The following ROBO2 variants were observed in gnomAD, a reference collection of about 807,000 sequenced individuals.
ROBO2 encodes roundabout guidance receptor 2.
Under a neutral mutation model 160.8 loss-of-function variants are expected in ROBO2, and 53 were observed. That is an observed-to-expected ratio of 0.33 (90% CI 0.26 to 0.41). The LOEUF is 0.41. ROBO2 is among the 10% of genes least tolerant of loss of function. The pLI is 1.00. For synonymous variants in ROBO2, 664 were observed against 611.7 expected (o/e 1.09, Z -1.26); for missense variants, 1,577 against 1,722.4 (o/e 0.92, Z 1.49).
chr3:76,462,585 G>A (rs1327728207), intron 2 of ROBO2, among the ~76,000 whole-genome samples: 1 of 148,184 alleles, frequency 6.7e-6, no homozygotes, highest in East Asian at 2.0e-4. Flanking sequence ...ATGTGCACAT[G>A]TACCCTAAAA....
intron 6 of ROBO2, among the ~76,000 whole-genome samples, chr3:77,540,584 G>A (rs1006889244): frequency 6.6e-6 from 1 of 151,794 alleles, no homozygotes; most frequent in Non-Finnish European, 1.5e-5. Flanking sequence ...GTGGGGGCGC[G>A]CAGGGGGAGG....
intron 2 of ROBO2, among the ~76,000 whole-genome samples, chr3:76,478,042 T>TATTATTATTATA (rs2079019081): frequency 6.6e-6 from 1 of 151,196 alleles, no homozygotes; most frequent in South Asian, 2.1e-4. Flanking sequence ...TTATTATTAT[T>TATTATTATTATA]ATACTTTAAG....
chr3:76,942,261 A>T (rs546938897), intron 2 of ROBO2, among the ~76,000 whole-genome samples: 217 of 152,304 alleles, frequency 1.4e-3, no homozygotes, highest in Middle Eastern at 6.8e-3. Context: ...TCCAACTTTG[A>T]CATTTTTATC....
In ROBO2 at chr3:77,617,766, C is replaced by T. The variant is rs754889010; in HGVS notation, c.3547C>T (p.Gln1183Ter). ...AGCCTATCAGTTTGATATAGCAAAACAAACATGGTAAATATCTTCATTAAG... is the reference window on the plus strand; with the variant it reads ...AGCCTATCAGTTTGATATAGCAAAATAAACATGGTAAATATCTTCATTAAG... Residue 1183 changes from glutamine to a stop codon, truncating the protein, a stop_gained, in exon 22 of 26, where the codon CAA (glutamine) becomes TAA (stop). Transcript: ENST00000461745. LOFTEE classifies it high-confidence loss of function. 2.5e-6 allele frequency: 4 copies of T among 1,612,412 alleles called. No individual in the cohort carries two copies. Among genetic ancestry groups the T allele is most frequent in the Non-Finnish European group, 3.4e-6 (4 of 1,179,948 alleles).
chr3:77,149,315 A>G (rs6548481), intron 2 of ROBO2, among the ~76,000 whole-genome samples: 69,245 of 151,882 alleles, frequency 0.46, 16,134 homozygotes, highest in Middle Eastern at 0.58. Context: ...GATTACAGGC[A>G]TGAGCCACTG....
chr3:76,175,498 G>T (rs2073196818), intron 2 of ROBO2, among the ~76,000 whole-genome samples: 1 of 152,046 alleles, frequency 6.6e-6, no homozygotes, highest in African/African-American at 2.4e-5. Context: ...TTCTCTAAAA[G>T]TTTAAACATG....
At chr3:76,252,192 A>G (rs1706046287) in intron 2 of ROBO2, among the ~76,000 whole-genome samples, 1 of 152,076 alleles carries the variant, frequency 6.6e-6, no homozygotes, top group Admixed American at 6.6e-5. Context: ...ACTGACCTCC[A>G]TCACCATTTG....
At chr3:75,994,220 G>C (rs1379397178) in intron 2 of ROBO2, among the ~76,000 whole-genome samples, 1 of 152,124 alleles carries the variant, frequency 6.6e-6, no homozygotes, top group Non-Finnish European at 1.5e-5. Context: ...TGGGCTTTTT[G>C]CTTCATTTAT....
chr3:76,595,583 T>C (rs2086684855), intron 2 of ROBO2, among the ~76,000 whole-genome samples: 1 of 152,038 alleles, frequency 6.6e-6, no homozygotes, highest in Non-Finnish European at 1.5e-5. Context: ...GAATAAAGCA[T>C]GAACGTGATC....
At chr3:76,388,468 C>T (rs994197694) in intron 2 of ROBO2, among the ~76,000 whole-genome samples, 1 of 151,822 alleles carries the variant, frequency 6.6e-6, no homozygotes, top group Non-Finnish European at 1.5e-5. Context: ...AGACGGGGTT[C>T]CACCGTGTTA....
chr3:76,007,900 A>G (rs2066070665), intron 2 of ROBO2, among the ~76,000 whole-genome samples: 1 of 152,160 alleles, frequency 6.6e-6, no homozygotes, highest in Non-Finnish European at 1.5e-5. Context: ...AATTAAGGAT[A>G]TTAGAGAAAA....
intron 2 of ROBO2, among the ~76,000 whole-genome samples, chr3:76,894,881 C>A (rs113295787): frequency 0.016 from 2,454 of 152,136 alleles, 27 homozygotes; most frequent in African/African-American, 0.027. Context: ...CAACCAGAAA[C>A]AAATGGAATT....
chr3:76,749,146 C>T lies in ROBO2; in HGVS notation c.110-348868C>T, dbSNP rs1053195131. Among the ~76,000 whole-genome samples the T allele has an allele frequency of 2.6e-5, 4 of 151,410 alleles. No homozygotes were observed. In the Admixed American group the frequency reaches 2.6e-4, roughly 10 times the overall value. On this transcript the variant is annotated intron_variant, in intron 2 of 26. Coordinates refer to the ROBO2 transcript ENST00000487694. ...TATAGATTCAAATACTGAAATAATA[C>T]TATGTTAATAAATATAATCTTTCAA...
At chr3:76,207,233 T>A (rs899955281) in intron 2 of ROBO2, among the ~76,000 whole-genome samples, 31 of 152,284 alleles carry the variant, frequency 2.0e-4, no homozygotes, top group African/African-American at 7.2e-4. Context: ...TTTATTATTA[T>A]GGATTTAAAA....
At chr3:75,955,899 T>C (rs1283600215) in intron 2 of ROBO2, among the ~76,000 whole-genome samples, 1 of 151,782 alleles carries the variant, frequency 6.6e-6, no homozygotes, top group African/African-American at 2.4e-5. Context: ...TTTATTTATA[T>C]ATAAAATAGG....
chr3:76,077,973 C>G (rs115149229), intron 2 of ROBO2, among the ~76,000 whole-genome samples: 7 of 152,154 alleles, frequency 4.6e-5, no homozygotes, highest in African/African-American at 1.4e-4. Flanking sequence ...TTAGAATGAA[C>G]CTGCAGTGCA....
At chr3:77,216,414 G>C (rs1042875664) in intron 2 of ROBO2, among the ~76,000 whole-genome samples, 5 of 152,194 alleles carry the variant, frequency 3.3e-5, no homozygotes, top group African/African-American at 1.2e-4. Flanking sequence ...CGTTTACTAA[G>C]ACCATTGGAA....
intron 17 of ROBO2, among the ~76,000 whole-genome samples, chr3:77,590,191 A>G (rs1523769): frequency 0.76 from 115,825 of 152,064 alleles, 44,382 homozygotes; most frequent in African/African-American, 0.83. Context: ...GTTAGAAGAC[A>G]TTTCCAGGAC....
intron 6 of ROBO2, chr3:77,538,991 C>A: frequency 2.5e-6 from 1 of 407,126 alleles, no homozygotes. Flanking sequence ...AATCTCGGCT[C>A]ACTGCAAGCT....
Sources: allele counts gnomAD v4.1 joint callset (sites outside exome capture counted in the v4.1 genomes callset), GRCh38; gene constraint gnomAD v4.1.1; transcripts MANE v1.5; gene names NCBI Gene and HGNC (gene_info 2026-07-23, HGNC 2026-07-21).